The following RFX3 variants were observed in gnomAD, a reference collection of about 807,000 sequenced individuals.
The protein encoded by RFX3 is regulatory factor X3.
A neutral mutation model predicts 98.6 loss-of-function variants in RFX3; 14 were observed. That is an observed-to-expected ratio of 0.14 (90% CI 0.09 to 0.22). The LOEUF (loss-of-function observed/expected upper bound fraction) is 0.22, where lower values mean the gene tolerates loss of function less well. RFX3 is among the 10% of genes least tolerant of loss of function. RFX3 has a pLI of 1.00. For missense variants in RFX3, 639 were observed against 926.9 expected, an observed-to-expected ratio of 0.69 and a Z score of 4.03; for synonymous variants, 383 against 328.4, an observed-to-expected ratio of 1.17 and a Z score of -1.80.
At chr9:3,371,685 C>G (rs916704233) in intron 2 of RFX3, among the ~76,000 whole-genome samples, 1 of 152,056 alleles carries the variant, frequency 6.6e-6, no homozygotes. Context: ...GAAAGAGTAA[C>G]ATAAATTACT....
intron 2 of RFX3, among the ~76,000 whole-genome samples, chr9:3,361,033 C>T (rs1253685562): frequency 6.6e-6 from 1 of 152,158 alleles, no homozygotes; most frequent in African/African-American, 2.4e-5. Context: ...CATTTCAAAC[C>T]TTAGTTTTCA....
At chr9:3,255,307 C>A (rs1398381918) in intron 14 of RFX3, among the ~76,000 whole-genome samples, 1 of 152,204 alleles carries the variant, frequency 6.6e-6, no homozygotes, top group Non-Finnish European at 1.5e-5. Flanking sequence ...TAGTCTGGGT[C>A]TACTGAGTTC....
At chr9:3,474,662 TAC>T (rs1442545707) in intron 1 of RFX3, among the ~76,000 whole-genome samples, 1 of 152,188 alleles carries the variant, frequency 6.6e-6, no homozygotes, top group Non-Finnish European at 1.5e-5. Context: ...AGACTCTGAA[TAC>T]AGATTTGTCT....
At chr9:3,482,797 A>T (rs1215788810) in intron 1 of RFX3, among the ~76,000 whole-genome samples, 1 of 152,138 alleles carries the variant, frequency 6.6e-6, no homozygotes, top group Admixed American at 6.6e-5. Flanking sequence ...TAAGTGTGCT[A>T]TATTATATGT....
At chr9:3,448,962 T>C (rs1187575776) in intron 1 of RFX3, among the ~76,000 whole-genome samples, 2 of 152,210 alleles carry the variant, frequency 1.3e-5, no homozygotes, top group East Asian at 1.9e-4. Context: ...GCACCTATGC[T>C]ACACCTTGTT....
At chr9:3,249,541 GAT>G (rs1312277984) in intron 14 of RFX3, among the ~76,000 whole-genome samples, 2 of 152,126 alleles carry the variant, frequency 1.3e-5, no homozygotes, top group Non-Finnish European at 1.5e-5. Context: ...AAGTGATTGT[GAT>G]TATAATACAC....
intron 13 of RFX3, among the ~76,000 whole-genome samples, chr9:3,258,063 C>A (rs1425689711): frequency 2.0e-5 from 3 of 151,982 alleles, no homozygotes; most frequent in Non-Finnish European, 4.4e-5. Context: ...TCTTTGGTAA[C>A]GTAATATTTG....
chr9:3,411,609 G>A (rs1016121796), intron 1 of RFX3, among the ~76,000 whole-genome samples: 2 of 151,322 alleles, frequency 1.3e-5, no homozygotes, highest in Non-Finnish European at 2.9e-5. Context: ...CCGAGTAGCT[G>A]GGATTATAGG....
intron 1 of RFX3, among the ~76,000 whole-genome samples, chr9:3,399,983 G>C (rs554079498): frequency 6.6e-6 from 1 of 151,114 alleles, no homozygotes; most frequent in African/African-American, 2.4e-5. Flanking sequence ...TTTTGGGTTT[G>C]AAACAATATT....
At position 3,512,310 on chromosome 9, in the gene RFX3, ACTAC is replaced by A. The variant is rs1399911627; in HGVS notation, c.-9+13433_-9+13436del. Among the ~76,000 whole-genome samples the A allele has an allele frequency of 1.2e-3, 185 of 152,138 alleles. 1 individual carries two copies. Among genetic ancestry groups the A allele is most frequent in the African/African-American group, 4.1e-3 (172 of 41,554 alleles). ...ATATAGCTTTAGAGCAATAGAAGGT[ACTAC>A]TTTGTTAAATCCATATAATGGGCAT... is the stretch of plus-strand genomic sequence containing the variant. On this transcript the variant is annotated intron_variant, in intron 1 of 16. Transcript: ENST00000617270.
chr9:3,247,752 G>A, intron 15 of RFX3: 2 of 1,560,814 alleles, frequency 1.3e-6, no homozygotes, highest in South Asian at 2.4e-5. Flanking sequence ...TCATATTCCA[G>A]TGGTTCTCAA....
At chr9:3,335,237 C>T (rs1382335331) in intron 3 of RFX3, among the ~76,000 whole-genome samples, 1 of 152,068 alleles carries the variant, frequency 6.6e-6, no homozygotes, top group Non-Finnish European at 1.5e-5. Flanking sequence ...GAGTCATGCA[C>T]AAGTAACAGG....
At chr9:3,426,350 C>T (rs909139253) in intron 1 of RFX3, among the ~76,000 whole-genome samples, 1 of 148,072 alleles carries the variant, frequency 6.8e-6, no homozygotes, top group Non-Finnish European at 1.5e-5. Flanking sequence ...GTATTACAAA[C>T]ATCCAATACC....
intron 1 of RFX3, among the ~76,000 whole-genome samples, chr9:3,512,519 T>G (rs945039391): frequency 1.3e-5 from 2 of 151,896 alleles, no homozygotes; most frequent in Non-Finnish European, 2.9e-5. Context: ...TAATTTTGTG[T>G]TTTTTATATA....
At chr9:3,442,710 T>G (rs980259724) in intron 1 of RFX3, among the ~76,000 whole-genome samples, 1 of 152,210 alleles carries the variant, frequency 6.6e-6, no homozygotes, top group African/African-American at 2.4e-5. Flanking sequence ...GCAACTTCTC[T>G]GCCAATCTAA....
chr9:3,315,186 A>G (rs1452101619), intron 4 of RFX3, among the ~76,000 whole-genome samples: 1 of 152,198 alleles, frequency 6.6e-6, no homozygotes, highest in African/African-American at 2.4e-5. Context: ...CTCAGACCAC[A>G]GTGCAATCAA....
At chr9:3,311,581 A>C (rs982092854) in intron 4 of RFX3, among the ~76,000 whole-genome samples, 2 of 152,168 alleles carry the variant, frequency 1.3e-5, no homozygotes, top group African/African-American at 4.8e-5. Context: ...TCATTTGGGT[A>C]CCTGTTAGAA....
intron 6 of RFX3, among the ~76,000 whole-genome samples, chr9:3,290,063 C>T (rs1827137534): frequency 6.6e-6 from 1 of 151,982 alleles, no homozygotes; most frequent in African/African-American, 2.4e-5. Context: ...TACCTCACTC[C>T]TACAATTGTC....
At chr9:3,368,573 A>T (rs1837468884) in intron 2 of RFX3, among the ~76,000 whole-genome samples, 1 of 152,186 alleles carries the variant, frequency 6.6e-6, no homozygotes, top group Non-Finnish European at 1.5e-5. Context: ...ATAGACAGGG[A>T]TATCATTTCC....
Sources: gnomAD v4.1 joint callset for allele counts (sites outside exome capture counted in the v4.1 genomes callset) on GRCh38, gnomAD v4.1.1 for gene constraint, MANE v1.5 for transcripts, NCBI Gene and HGNC (gene_info 2026-07-23, HGNC 2026-07-21) for gene names.